Variants in PEAK1 observed in about 807,000 individuals in gnomAD.
The protein encoded by PEAK1 is inactive tyrosine-protein kinase PEAK1.
In PEAK1, 54 loss-of-function variants were observed where a neutral mutation model predicts 124.7. The observed-to-expected ratio is 0.43, with a 90% CI of 0.35 to 0.54. The LOEUF (loss-of-function observed/expected upper bound fraction) is 0.54. Among genes scored for constraint, PEAK1 ranks in the 20% least tolerant of loss-of-function variants. PEAK1 has a pLI of 0.01. For missense variants in PEAK1, 2,046 were observed against 2,134.5 expected (o/e 0.96, Z 0.82); for synonymous variants, 719 against 760.0 (o/e 0.95, Z 0.89).
rs1487032024 is a variant in PEAK1 at position 77,175,906 on chromosome 15, C to T, written c.3137+2884G>A. On this transcript the variant is annotated intron_variant, in intron 7 of 9. Coordinates refer to ENST00000682557, the MANE Select transcript of PEAK1 (RefSeq NM_001385026.1). The stretch of plus-strand genomic sequence containing the variant: ...AAGAAAATGTGGCACATATACACCA[C>T]AGAATACTATGCAGCCATAAAAAAT... 4.2e-4 allele frequency among the ~76,000 whole-genome samples: 64 copies of T among 152,236 alleles called. 2 individuals are homozygous for T. The East Asian group carries it at 0.011, about 27-fold the overall frequency.
rs185832900 is a variant in PEAK1 at position 77,365,445 on chromosome 15, A to C, written c.-665-220T>G. 1.4e-3 allele frequency among the ~76,000 whole-genome samples: 206 copies of C among 152,360 alleles called. 1 individual carries two copies. The highest frequency in any genetic ancestry group is 4.8e-3 in the African/African-American group (201 of 41,588). ...GTTGGTATTTCTTGAAATTAAAAGT[A>C]TATCAAAACAGGCCGGGCACGGCGG... On this transcript the variant is annotated intron_variant, in intron 1 of 9. Coordinates refer to ENST00000682557, the MANE Select transcript of PEAK1 (RefSeq NM_001385026.1).
chr15:77,312,909 G>A (rs980830439), intron 2 of PEAK1, among the ~76,000 whole-genome samples: 21 of 152,120 alleles, frequency 1.4e-4, no homozygotes, highest in Admixed American at 2.6e-4. Flanking sequence ...AGTTAGAAAT[G>A]GATAATCAGT....
At position 77,419,465 on chromosome 15, in the gene PEAK1, C is replaced by G. The variant is rs991873539; in HGVS notation, c.-666+541G>C. 5 of 985,248 alleles carry G rather than the reference C, an allele frequency of 5.1e-6. No homozygotes were observed. In the African/African-American group the frequency reaches 8.7e-5, roughly 17 times the overall value. 61.0% of individuals were successfully genotyped at this position (985,248 alleles called of 1,614,324 possible). Reference sequence around the variant, plus strand: ...GCCAGCCCACACGTTCGCGGGCTCCCCAGCCGCGGCGCGAAGGGAGCAGGC... The same window carrying G: ...GCCAGCCCACACGTTCGCGGGCTCCGCAGCCGCGGCGCGAAGGGAGCAGGC... On this transcript the variant is annotated intron_variant, in intron 1 of 9. Coordinates refer to ENST00000682557, the MANE Select transcript of PEAK1 (RefSeq NM_001385026.1).
chr15:77,350,714 C>A lies in PEAK1; in HGVS notation c.-603+14449G>T, dbSNP rs958234318. ...TCCTCAGCCATAGCTCTAAACAAGC[C>A]ACAGAAATCAGAATGATCATGCTGA... On this transcript the variant is annotated intron_variant, in intron 2 of 9. Transcript: ENST00000682557. 12 of 985,010 alleles carry A rather than the reference C, an allele frequency of 1.2e-5. No individual in the cohort carries two copies. In the African/African-American group the frequency reaches 2.1e-4, roughly 17 times the overall value. 61.0% of individuals were successfully genotyped at this position (985,010 alleles called of 1,614,324 possible). A position where few individuals can be genotyped will look rare whatever the true frequency, so the allele number is the denominator to read the frequency against.
intron 2 of PEAK1, among the ~76,000 whole-genome samples, chr15:77,291,376 A>C (rs1345594801): frequency 1.3e-5 from 2 of 152,164 alleles, no homozygotes; most frequent in African/African-American, 2.4e-5. Context: ...TCGATTATGA[A>C]ATCTCCTCAC....
At chr15:77,414,535 T>C (rs2142158757) in intron 1 of PEAK1, among the ~76,000 whole-genome samples, 1 of 152,218 alleles carries the variant, frequency 6.6e-6, no homozygotes, top group East Asian at 1.9e-4. Flanking sequence ...TTTTCTATCT[T>C]ATCCTCTGAC....
At chr15:77,220,210 T>C (rs1264385032) in intron 6 of PEAK1, among the ~76,000 whole-genome samples, 3 of 152,012 alleles carry the variant, frequency 2.0e-5, no homozygotes, top group African/African-American at 7.2e-5. Context: ...TGGTAAAAAA[T>C]GATGCAGTCT....
intron 2 of PEAK1, among the ~76,000 whole-genome samples, chr15:77,304,441 CATTTTT>C (rs1250283260): frequency 0.025 from 3,132 of 124,656 alleles, 114 homozygotes; most frequent in African/African-American, 0.085. Flanking sequence ...CTCCTGTATA[CATTTTT>C]TTTTTTTTTT....
At chr15:77,358,043 G>A (rs2067633447) in intron 2 of PEAK1, among the ~76,000 whole-genome samples, 1 of 152,084 alleles carries the variant, frequency 6.6e-6, no homozygotes, top group African/African-American at 2.4e-5. Flanking sequence ...TTTGTCACTA[G>A]TTGCATCCAT....
intron 2 of PEAK1, among the ~76,000 whole-genome samples, chr15:77,359,117 G>C (rs2067716400): frequency 6.6e-6 from 1 of 152,132 alleles, no homozygotes; most frequent in Admixed American, 6.5e-5. Flanking sequence ...GATCCTGAAA[G>C]ACTGAATGTT....
intron 1 of PEAK1, among the ~76,000 whole-genome samples, chr15:77,399,674 T>G (rs1053444848): frequency 6.6e-6 from 1 of 152,100 alleles, no homozygotes; most frequent in Non-Finnish European, 1.5e-5. Flanking sequence ...CAAAATGAAT[T>G]AGAGATTTAA....
rs192115954 is a variant in PEAK1, at chr15:77,296,527, T to C, written c.-602-10023A>G. 1.3e-3 allele frequency among the ~76,000 whole-genome samples: 192 copies of C among 151,574 alleles called. 3 individuals carry two copies. Among genetic ancestry groups the C allele is most frequent in the African/African-American group, 4.5e-3 (186 of 41,030 alleles). On this transcript the variant is annotated intron_variant, in intron 2 of 9. Coordinates refer to ENST00000682557, the MANE Select transcript of PEAK1 (RefSeq NM_001385026.1). ...TACTTGGGAGGCTGAGGCAGGAGAATTGCTTGAACTCAGGAGGCGGAGGTT... is the reference window on the plus strand; with the variant it reads ...TACTTGGGAGGCTGAGGCAGGAGAACTGCTTGAACTCAGGAGGCGGAGGTT...
chr15:77,418,971 G>C, intron 1 of PEAK1: 3 of 985,112 alleles, frequency 3.0e-6, no homozygotes, highest in Non-Finnish European at 3.6e-6. Context: ...AAGTCTCTAA[G>C]TATTTAATTC....
Position 77,113,194 on chromosome 15 carries a change from T to C in PEAK1, c.*962A>G, listed in dbSNP as rs563236282. 3 of 152,374 alleles carry C rather than the reference T, an allele frequency of 2.0e-5. No homozygotes were observed. Among genetic ancestry groups the C allele is most frequent in the East Asian group, 1.9e-4 (1 of 5,190 alleles). The allele number at this position is 152,374 out of a possible 1,614,324, so 9.4% of individuals were successfully genotyped here. A position where few individuals can be genotyped will look rare whatever the true frequency, so the allele number is the denominator to read the frequency against. On this transcript the variant is annotated 3_prime_UTR_variant, in exon 10 of 10. Coordinates refer to ENST00000682557, the MANE Select transcript of PEAK1 (RefSeq NM_001385026.1). The stretch of plus-strand genomic sequence containing the variant: ...TAAACTAGTTAACACTGGCTACTGA[T>C]AGAAGGGAGCTGGCCAATTACTGCT...
intron 1 of PEAK1, among the ~76,000 whole-genome samples, chr15:77,396,190 ATAGG>A (rs1026189503): frequency 2.8e-4 from 43 of 152,220 alleles, no homozygotes; most frequent in African/African-American, 9.9e-4. Context: ...CTATCTATAG[ATAGG>A]TAGGTAGATA....
chr15:77,148,609 T>C (rs1159363732), intron 8 of PEAK1, among the ~76,000 whole-genome samples: 2 of 152,158 alleles, frequency 1.3e-5, no homozygotes, highest in Non-Finnish European at 2.9e-5. Context: ...CTGGCTACCA[T>C]ATCTAACATA....
intron 2 of PEAK1, among the ~76,000 whole-genome samples, chr15:77,325,707 T>C (rs2065531168): frequency 6.6e-6 from 1 of 152,148 alleles, no homozygotes; most frequent in African/African-American, 2.4e-5. Context: ...CTCTTAATAA[T>C]ATACAAACCA....
chr15:77,111,442 A>G lies in PEAK1; in HGVS notation c.*2714T>C, dbSNP rs1301499330. 6.6e-6 allele frequency: 1 copy of G among 152,174 alleles called. No individual in the cohort carries two copies. Among genetic ancestry groups the G allele is most frequent in the Admixed American group, 6.5e-5 (1 of 15,272 alleles). 9.4% of individuals were successfully genotyped at this position (152,174 alleles called of 1,614,324 possible). ...TAGTTTCTTTCTCTATTCTGCTCTA[A>G]CCTGTAACACCCCCTTCCCTCTCTA... is the stretch of plus-strand genomic sequence containing the variant. On this transcript the variant is annotated 3_prime_UTR_variant, in exon 10 of 10. Transcript: ENST00000682557.
intron 2 of PEAK1, among the ~76,000 whole-genome samples, chr15:77,313,457 T>C (rs2064604859): frequency 6.6e-6 from 1 of 151,928 alleles, no homozygotes; most frequent in South Asian, 2.1e-4. Context: ...GACTTCCTTT[T>C]ATTTTATTTA....
Sources: allele counts gnomAD v4.1 joint callset (sites outside exome capture counted in the v4.1 genomes callset), GRCh38; gene constraint gnomAD v4.1.1; transcripts MANE v1.5; gene names NCBI Gene and HGNC (gene_info 2026-07-23, HGNC 2026-07-21).